The following GPRC5A variants were observed in gnomAD, a reference collection of about 807,000 sequenced individuals.
The protein encoded by GPRC5A is G protein-coupled receptor class C group 5 member A, also known as retinoic acid-induced protein 3.
GPRC5A carries 19 observed loss-of-function variants against 22.5 expected under a neutral mutation model. The ratio of observed to expected loss-of-function variants is 0.85; its 90% CI spans 0.59 to 1.24. The LOEUF is 1.24. Among genes scored for constraint, GPRC5A ranks in the 50% most tolerant of loss-of-function variants. The pLI is 0.00. For missense variants in GPRC5A, 471 were observed against 451.1 expected (o/e 1.04, Z -0.40); for synonymous variants, 192 against 184.5 (o/e 1.04, Z -0.33).
intron 1 of GPRC5A, among the ~76,000 whole-genome samples, chr12:12,900,233 T>C (rs1863867118): frequency 6.6e-6 from 1 of 152,072 alleles, no homozygotes; most frequent in Non-Finnish European, 1.5e-5. Flanking sequence ...TGGGTAGGAG[T>C]TTGTGGCACA....
At chr12:12,892,729 G>T (rs1017613531) in intron 1 of GPRC5A, among the ~76,000 whole-genome samples, 16 of 152,184 alleles carry the variant, frequency 1.1e-4, no homozygotes, top group African/African-American at 3.9e-4. Flanking sequence ...TCAGAATCAA[G>T]GAATTTGAAG....
chr12:12,898,470 G>A (rs1456092702), intron 1 of GPRC5A, among the ~76,000 whole-genome samples: 1 of 152,102 alleles, frequency 6.6e-6, no homozygotes, highest in Non-Finnish European at 1.5e-5. Context: ...AGTCGAAGCT[G>A]CCGTGAGCTG....
At chr12:12,896,928 G>A (rs571446849) in intron 1 of GPRC5A, among the ~76,000 whole-genome samples, 1 of 152,260 alleles carries the variant, frequency 6.6e-6, no homozygotes, top group African/African-American at 2.4e-5. Context: ...CACATTTAGA[G>A]TGCAATAGGA....
chr12:12,903,343 T>C (rs1281710062), intron 1 of GPRC5A, among the ~76,000 whole-genome samples: 1 of 152,224 alleles, frequency 6.6e-6, no homozygotes, highest in Non-Finnish European at 1.5e-5. Context: ...TGCGGTGACG[T>C]GATCACAGCT....
chr12:12,915,779 G>A lies in GPRC5A; in HGVS notation c.*3240G>A, dbSNP rs756957067. On this transcript the variant is annotated 3_prime_UTR_variant, in exon 4 of 4. Transcript: ENST00000014914. ...TGCTGGGATACCGTGGCCTCTGAAA[G>A]TGCTGGGATTACAGGCATGAGCCAC... 42 of 467,554 alleles carry A rather than the reference G, an allele frequency of 9.0e-5. 2 individuals are homozygous for A. The highest frequency in any genetic ancestry group is 6.6e-4 in the South Asian group (42 of 63,980). 29.0% of individuals were successfully genotyped at this position (467,554 alleles called of 1,614,324 possible).
chr12:12,905,765 T>C (rs886799073), intron 1 of GPRC5A, among the ~76,000 whole-genome samples: 1 of 152,186 alleles, frequency 6.6e-6, no homozygotes, highest in Non-Finnish European at 1.5e-5. Context: ...GGTCTAAAAT[T>C]CACACGAAGA....
At chr12:12,912,316 T>C (rs1422472028) in intron 3 of GPRC5A, 131 bp from the exon 4 acceptor site, 1 of 840,012 alleles carries the variant, frequency 1.2e-6, no homozygotes, top group Non-Finnish European at 2.1e-6. Context: ...AATGAGTGCT[T>C]GGCATAGAGA....
At chr12:12,895,245 A>G (rs1310636037) in intron 1 of GPRC5A, among the ~76,000 whole-genome samples, 1 of 152,228 alleles carries the variant, frequency 6.6e-6, no homozygotes, top group Admixed American at 6.5e-5. Flanking sequence ...TGTCTGACAC[A>G]TAATACTTGT....
At chr12:12,903,387 TCTC>T (rs1863909931) in intron 1 of GPRC5A, among the ~76,000 whole-genome samples, 1 of 152,104 alleles carries the variant, frequency 6.6e-6, no homozygotes, top group South Asian at 2.1e-4. Context: ...CTCAAGCAAT[TCTC>T]CTATCTAAGT....
In GPRC5A at chr12:12,893,774, G is replaced by C. The variant is rs536134696; in HGVS notation, c.-8+2110G>C. On this transcript the variant is annotated intron_variant, in intron 1 of 3. Coordinates refer to ENST00000014914, the MANE Select transcript of GPRC5A (RefSeq NM_003979.4). ...GTTTTGTTTTTGTTTTCGTTTTTTT[G>C]AGATGGAGTCTCGCTCTTGCCCAGG... 1.1e-4 allele frequency among the ~76,000 whole-genome samples: 17 copies of C among 152,026 alleles called. No homozygotes were observed. The South Asian group carries it at 3.5e-3, about 32-fold the overall frequency.
chr12:12,891,744 T>G (rs1031624862), intron 1 of GPRC5A, 80 bp downstream of exon 1: 1 of 149,066 alleles, frequency 6.7e-6, no homozygotes, highest in African/African-American at 2.5e-5. Flanking sequence ...TTGGGAGGGG[T>G]GGGATAGAAG....
chr12:12,896,752 C>G (rs374492672), intron 1 of GPRC5A, among the ~76,000 whole-genome samples: 1 of 152,130 alleles, frequency 6.6e-6, no homozygotes, highest in Non-Finnish European at 1.5e-5. Context: ...TGGCCAGGCA[C>G]GGTGCCTCAC....
chr12:12,907,737 T>C (rs1863957487), intron 1 of GPRC5A, among the ~76,000 whole-genome samples: 1 of 152,194 alleles, frequency 6.6e-6, no homozygotes, highest in South Asian at 2.1e-4. Flanking sequence ...ACTCCAGCGA[T>C]ATTCCCACCT....
chr12:12,897,227 T>TAAAAA (rs5796515), intron 1 of GPRC5A, among the ~76,000 whole-genome samples: 1 of 88,284 alleles, frequency 1.1e-5, no homozygotes, highest in Non-Finnish European at 2.0e-5. Flanking sequence ...GACCCTGTCT[T>TAAAAA]AAAAAAAAAA....
Position 12,896,857 on chromosome 12 carries a change from A to G in GPRC5A, c.-8+5193A>G, listed in dbSNP as rs11055135. 3.4e-3 allele frequency among the ~76,000 whole-genome samples: 510 copies of G among 152,092 alleles called. 2 individuals are homozygous for G. Among genetic ancestry groups the G allele is most frequent in the African/African-American group, 0.011 (467 of 41,496 alleles). Reference sequence around the variant, plus strand: ...TGATATTAATTTGTAATATATAACAAAGATATGGAAAAACTTGAGTGCCAA... The same window carrying G: ...TGATATTAATTTGTAATATATAACAGAGATATGGAAAAACTTGAGTGCCAA... On this transcript the variant is annotated intron_variant, in intron 1 of 3. Transcript: ENST00000014914.
rs1025680203 is a variant in GPRC5A, at chr12:12,917,320, A to G, written c.*4781A>G. 1 of 151,620 alleles carries G rather than the reference A, an allele frequency of 6.6e-6. No individual in the cohort carries two copies. Among genetic ancestry groups the G allele is most frequent in the African/African-American group, 2.4e-5 (1 of 41,166 alleles). 9.4% of individuals were successfully genotyped at this position (151,620 alleles called of 1,614,324 possible). On this transcript the variant is annotated 3_prime_UTR_variant, in exon 4 of 4. Coordinates refer to ENST00000014914, the MANE Select transcript of GPRC5A (RefSeq NM_003979.4). ...TCCAGATTTCTTTCTTGACCCTTCA[A>G]AGTGGAACAGTCCAGTGCCAAAAAT...
chr12:12,911,160 C>T (rs527323293), intron 2 of GPRC5A, among the ~76,000 whole-genome samples: 8 of 152,208 alleles, frequency 5.3e-5, no homozygotes, highest in Admixed American at 1.3e-4. Context: ...CATGAGCCAC[C>T]GTGCCCAGCC....
At chr12:12,906,588 G>A in intron 1 of GPRC5A, among the ~76,000 whole-genome samples, 1 of 152,100 alleles carries the variant, frequency 6.6e-6, no homozygotes, top group Admixed American at 6.6e-5. Context: ...AGTAAAAATT[G>A]GAGCAATACT....
Position 12,908,966 on chromosome 12 carries a change from G to A in GPRC5A, c.717G>A (p.Arg239=). ...TLLMLPDFDR[R]WDDTILSSAL... ...TCATGCTTCCTGACTTTGACCGCAG[G>A]TGGGATGACACCATCCTCAGCTCCG... is the stretch of plus-strand genomic sequence containing the variant. The change falls in exon 2 of 4, where the codon AGG becomes AGA. Residue 239 remains arginine, a synonymous_variant. Coordinates refer to ENST00000014914, the MANE Select transcript of GPRC5A (RefSeq NM_003979.4). 1 of 1,614,146 alleles carries A rather than the reference G, an allele frequency of 6.2e-7. No homozygotes were observed. The highest frequency in any genetic ancestry group is 8.5e-7 in the Non-Finnish European group (1 of 1,180,006).
Sources: allele counts gnomAD v4.1 joint callset (sites outside exome capture counted in the v4.1 genomes callset), GRCh38; gene constraint gnomAD v4.1.1; transcripts MANE v1.5; gene names NCBI Gene and HGNC (gene_info 2026-07-23, HGNC 2026-07-21).